The following DPP10 variants were observed in gnomAD, a reference collection of about 807,000 sequenced individuals.
The protein encoded by DPP10 is dipeptidyl peptidase like 10.
In DPP10, 33 loss-of-function variants were observed where a neutral mutation model predicts 120.9. The ratio of observed to expected loss-of-function variants is 0.27; its 90% CI spans 0.21 to 0.37. The LOEUF (loss-of-function observed/expected upper bound fraction) is 0.37. DPP10 is among the 10% of genes least tolerant of loss of function. The probability of loss-of-function intolerance (pLI) is 1.00; values close to 1 mark genes in which losing one functional copy is unlikely to be tolerated. For missense variants in DPP10, 816 were observed against 942.8 expected, an observed-to-expected ratio of 0.87 and a Z score of 1.76; for synonymous variants, 337 against 326.1, an observed-to-expected ratio of 1.03 and a Z score of -0.36.
intron 21 of DPP10, among the ~76,000 whole-genome samples, chr2:115,821,087 C>A (rs186320607): frequency 1.3e-5 from 2 of 152,194 alleles, no homozygotes; most frequent in African/African-American, 4.8e-5. Flanking sequence ...TTTAAAACTT[C>A]CATGTGTGCC....
intron 1 of DPP10, among the ~76,000 whole-genome samples, chr2:114,534,646 A>G (rs946943630): frequency 6.6e-6 from 1 of 151,992 alleles, no homozygotes; most frequent in African/African-American, 2.4e-5. Flanking sequence ...TGTTTTCAGT[A>G]TGGTGCCCAC....
chr2:115,577,830 C>G (rs368779254), intron 5 of DPP10, among the ~76,000 whole-genome samples: 3 of 152,086 alleles, frequency 2.0e-5, no homozygotes, highest in African/African-American at 7.2e-5. Flanking sequence ...TAGATTAGGG[C>G]TCACCCTAAT....
intron 1 of DPP10, among the ~76,000 whole-genome samples, chr2:114,609,241 G>C (rs1486950242): frequency 2.0e-5 from 3 of 152,118 alleles, no homozygotes; most frequent in African/African-American, 7.2e-5. Flanking sequence ...ATCAATGGAA[G>C]CATATTTCTC....
At chr2:115,281,621 T>G (rs1447355910) in intron 1 of DPP10, among the ~76,000 whole-genome samples, 1 of 152,162 alleles carries the variant, frequency 6.6e-6, no homozygotes, top group African/African-American at 2.4e-5. Context: ...CTTTTGTTGT[T>G]CTCATTGCTA....
rs947800520 is a variant in DPP10 at position 115,255,880 on chromosome 2, T to C, written c.61-53359T>C. Among the ~76,000 whole-genome samples, 19 of 152,316 alleles carry C rather than the reference T, an allele frequency of 1.2e-4. No homozygotes were observed. The East Asian group carries it at 3.1e-3, about 25-fold the overall frequency. The stretch of plus-strand genomic sequence containing the variant: ...CCACATCTTCCTGTCTTCTGAGCCC[T>C]CCAAGTCTCTAGGAAGTTCCAAAGT... On this transcript the variant is annotated intron_variant, in intron 1 of 25. Coordinates refer to ENST00000410059, the MANE Select transcript of DPP10 (RefSeq NM_020868.6).
intron 1 of DPP10, among the ~76,000 whole-genome samples, chr2:115,188,084 A>AGC (rs1553511720): frequency 4.2e-4 from 64 of 151,074 alleles, no homozygotes; most frequent in African/African-American, 1.2e-3. Flanking sequence ...AGAGAGAGAG[A>AGC]GCGCACTCAG....
At chr2:114,452,396 C>T (rs1227630239) in intron 1 of DPP10, among the ~76,000 whole-genome samples, 4 of 151,992 alleles carry the variant, frequency 2.6e-5, no homozygotes, top group Non-Finnish European at 5.9e-5. Flanking sequence ...ACACCATTTT[C>T]CAGAAGATAC....
chr2:114,945,735 G>A (rs1173212194), intron 1 of DPP10, among the ~76,000 whole-genome samples: 1 of 152,130 alleles, frequency 6.6e-6, no homozygotes, highest in Admixed American at 6.5e-5. Flanking sequence ...AGAATCGCTT[G>A]AACCCAGGAG....
At chr2:114,838,099 A>G (rs79278053) in intron 1 of DPP10, among the ~76,000 whole-genome samples, 13,246 of 152,212 alleles carry the variant, frequency 0.087, 696 homozygotes, top group Non-Finnish European at 0.11. Flanking sequence ...ATGGAAGGAA[A>G]GACCTGAAGG....
chr2:114,643,283 C>A (rs1032115543), intron 1 of DPP10, among the ~76,000 whole-genome samples: 3 of 151,876 alleles, frequency 2.0e-5, no homozygotes, highest in African/African-American at 4.9e-5. Flanking sequence ...GCAGGGAGGG[C>A]ACTCCAGGCA....
intron 3 of DPP10, among the ~76,000 whole-genome samples, chr2:115,381,797 T>C (rs894066504): frequency 6.6e-6 from 1 of 152,078 alleles, no homozygotes; most frequent in African/African-American, 2.4e-5. Context: ...TGCAGGTCTG[T>C]TGGAGTACCC....
intron 1 of DPP10, among the ~76,000 whole-genome samples, chr2:114,929,315 G>C (rs1247080406): frequency 6.6e-6 from 1 of 152,144 alleles, no homozygotes; most frequent in African/African-American, 2.4e-5. Flanking sequence ...AGGAAACGGG[G>C]TTCAAGAGCA....
chr2:114,873,512 T>C (rs763905783), intron 1 of DPP10, among the ~76,000 whole-genome samples: 3 of 152,138 alleles, frequency 2.0e-5, no homozygotes, highest in Non-Finnish European at 4.4e-5. Flanking sequence ...TGAATAATTA[T>C]GTATCAGGAC....
At chr2:114,941,396 G>C (rs1448553535) in intron 1 of DPP10, among the ~76,000 whole-genome samples, 1 of 152,168 alleles carries the variant, frequency 6.6e-6, no homozygotes, top group Non-Finnish European at 1.5e-5. Context: ...ACCCAGAGGA[G>C]CTTCTCCATG....
intron 1 of DPP10, chr2:114,463,434 A>T (rs1458704904): frequency 6.6e-6 from 1 of 152,152 alleles, no homozygotes; most frequent in African/African-American, 2.4e-5. Context: ...CTGGTAAGTT[A>T]TGTTCCTTTG....
chr2:115,520,175 G>T (rs897625867), intron 4 of DPP10, among the ~76,000 whole-genome samples: 1 of 152,002 alleles, frequency 6.6e-6, no homozygotes, highest in Non-Finnish European at 1.5e-5. Flanking sequence ...AAAATTAGCC[G>T]GGCGTGGTGG....
At chr2:115,704,853 C>T (rs1056628494) in intron 7 of DPP10, among the ~76,000 whole-genome samples, 38 of 151,940 alleles carry the variant, frequency 2.5e-4, no homozygotes, top group African/African-American at 8.2e-4. Context: ...TCTTATAAAC[C>T]TAATTAATGT....
chr2:115,224,966 G>A (rs1381979822), intron 1 of DPP10, among the ~76,000 whole-genome samples: 1 of 152,110 alleles, frequency 6.6e-6, no homozygotes, highest in Non-Finnish European at 1.5e-5. Context: ...ATGTCACACA[G>A]TACTGCCAGA....
At chr2:114,822,997 C>T (rs1686224732) in intron 1 of DPP10, among the ~76,000 whole-genome samples, 1 of 152,214 alleles carries the variant, frequency 6.6e-6, no homozygotes, top group South Asian at 2.1e-4. Flanking sequence ...CTGAGTCCTC[C>T]AAACTGTTCC....
Sources: allele counts gnomAD v4.1 joint callset (sites outside exome capture counted in the v4.1 genomes callset), GRCh38; gene constraint gnomAD v4.1.1; transcripts MANE v1.5; gene names NCBI Gene and HGNC (gene_info 2026-07-23, HGNC 2026-07-21).